RIMS3: variants seen among roughly 807,000 people sequenced by gnomAD.
RIMS3 encodes regulating synaptic membrane exocytosis 3.
RIMS3 carries 15 observed loss-of-function variants against 29.2 expected under a neutral mutation model. The ratio of observed to expected loss-of-function variants is 0.51; its 90% CI spans 0.34 to 0.79. The LOEUF is 0.79. Ranked by LOEUF, RIMS3 falls within the 30% of genes least tolerant of loss-of-function variation. The probability of loss-of-function intolerance (pLI) is 0.01; values close to 1 mark genes in which losing one functional copy is unlikely to be tolerated. For synonymous variants in RIMS3, 161 were observed against 170.1 expected (o/e 0.95, Z 0.41); for missense variants, 342 against 421.4 (o/e 0.81, Z 1.65).
At chr1:40,628,690 T>C (rs1646469661) in intron 7 of RIMS3, 120 bp downstream of exon 7, 1 of 1,334,670 alleles carries the variant, frequency 7.5e-7, no homozygotes, top group Non-Finnish European at 1.1e-6. Context: ...AGTAAATGAG[T>C]AACGCAAATT....
intron 1 of RIMS3, among the ~76,000 whole-genome samples, chr1:40,663,580 AC>A (rs970088071): frequency 3.2e-4 from 49 of 152,198 alleles, no homozygotes; most frequent in African/African-American, 1.2e-3. Context: ...CATCACCCAG[AC>A]CCCTGACAGA....
chr1:40,653,831 A>C (rs1331652487), intron 1 of RIMS3, among the ~76,000 whole-genome samples: 2 of 152,162 alleles, frequency 1.3e-5, no homozygotes, highest in Non-Finnish European at 2.9e-5. Flanking sequence ...GACAATACTC[A>C]CAATCACACT....
the RIMS3 span, among the ~76,000 whole-genome samples, chr1:40,688,580 G>C: frequency 6.6e-6 from 1 of 152,152 alleles, no homozygotes; most frequent in African/African-American, 2.4e-5. Flanking sequence ...TACTCTAGGT[G>C]GCAGATCACT....
rs971497583 is a variant in RIMS3, at chr1:40,621,248, C to T, written c.*5269G>A. ...GCAGAAATGAGGAAAGACCCAGCCT[C>T]ATCTGCTGTTGGGGACACTGACTTA... On this transcript the variant is annotated 3_prime_UTR_variant, in exon 8 of 8. Transcript: ENST00000372684. 1.3e-5 allele frequency: 2 copies of T among 152,254 alleles called. No homozygotes were observed. The highest frequency in any genetic ancestry group is 4.8e-5 in the African/African-American group (2 of 41,464). 9.4% of individuals were successfully genotyped at this position (152,254 alleles called of 1,614,324 possible).
rs532482385 is a variant in RIMS3 at position 40,625,752 on chromosome 1, T to C, written c.*765A>G. On this transcript the variant is annotated 3_prime_UTR_variant, in exon 8 of 8. Transcript: ENST00000372684. ...GAAGAACAAATGCTAAGGGGGCACC[T>C]GGCCAGGAACCCTGGAACCAAGACC... is the stretch of plus-strand genomic sequence containing the variant. The C allele has an allele frequency of 6.5e-6, 1 of 152,932 alleles. No individual in the cohort carries two copies. The highest frequency in any genetic ancestry group is 1.5e-5 in the Non-Finnish European group (1 of 68,236). 9.5% of individuals were successfully genotyped at this position (152,932 alleles called of 1,614,324 possible). A position where few individuals can be genotyped will look rare whatever the true frequency, so the allele number is the denominator to read the frequency against.
intron 7 of RIMS3, among the ~76,000 whole-genome samples, chr1:40,626,961 G>A (rs1205174702): frequency 6.6e-6 from 1 of 152,218 alleles, no homozygotes. Context: ...GTAGGTAGGG[G>A]TGCTCTGTAT....
chr1:40,691,705 C>T, the RIMS3 span: 5 of 453,578 alleles, frequency 1.1e-5, no homozygotes, highest in East Asian at 2.9e-4. Context: ...GGAAACGGTG[C>T]AAACGGCGTG....
the RIMS3 span, among the ~76,000 whole-genome samples, chr1:40,677,799 C>G: frequency 4.6e-5 from 7 of 152,244 alleles, no homozygotes; most frequent in African/African-American, 1.7e-4. Context: ...TTGCACACTG[C>G]TAGCCAAGGC....
chr1:40,659,973 A>T (rs569870936), intron 1 of RIMS3, among the ~76,000 whole-genome samples: 25 of 152,338 alleles, frequency 1.6e-4, no homozygotes, highest in African/African-American at 5.8e-4. Flanking sequence ...TCCAACGTTT[A>T]TCCTAAGAAG....
chr1:40,667,627 A>C (rs1642441990), upstream of RIMS3, among the ~76,000 whole-genome samples: 1 of 152,202 alleles, frequency 6.6e-6, no homozygotes, highest in Non-Finnish European at 1.5e-5. Flanking sequence ...TTGATTCTTA[A>C]GTGTATATAG....
intron 2 of RIMS3, among the ~76,000 whole-genome samples, chr1:40,642,313 A>G (rs1646563946): frequency 6.6e-6 from 1 of 152,244 alleles, no homozygotes; most frequent in Non-Finnish European, 1.5e-5. Context: ...CAAGATGTGA[A>G]ATAAAAGCAC....
intron 7 of RIMS3, among the ~76,000 whole-genome samples, chr1:40,628,157 G>A (rs139673762): frequency 7.9e-4 from 120 of 152,284 alleles, no homozygotes; most frequent in African/African-American, 2.6e-3. Context: ...ACATCTACCC[G>A]CGGCTAATGA....
At position 40,624,901 on chromosome 1, in the gene RIMS3, C is replaced by T. The variant is rs918969793; in HGVS notation, c.*1616G>A. ...TCAGGTGCTGGGGCCACAGCCATTT[C>T]AGCACCTGGGGATAATGCCTGGAGA... On this transcript the variant is annotated 3_prime_UTR_variant, in exon 8 of 8. Coordinates refer to ENST00000372684, the MANE Select transcript of RIMS3 (RefSeq NM_014747.3). 6.6e-6 allele frequency: 1 copy of T among 152,640 alleles called. No individual in the cohort carries two copies. Among genetic ancestry groups the T allele is most frequent in the Non-Finnish European group, 1.5e-5 (1 of 68,064 alleles). The allele number at this position is 152,640 out of a possible 1,614,324, so 9.5% of individuals were successfully genotyped here. A position where few individuals can be genotyped will look rare whatever the true frequency, so the allele number is the denominator to read the frequency against.
At chr1:40,657,921 A>C (rs1883429) in intron 1 of RIMS3, among the ~76,000 whole-genome samples, 19,326 of 152,072 alleles carry the variant, frequency 0.13, 1,343 homozygotes, top group African/African-American at 0.16. Flanking sequence ...ATAAAATAAA[A>C]TTTATATGTT....
intron 1 of RIMS3, among the ~76,000 whole-genome samples, chr1:40,652,225 A>G (rs1023602499): frequency 6.6e-6 from 1 of 152,180 alleles, no homozygotes; most frequent in Non-Finnish European, 1.5e-5. Context: ...GACTCCCCAA[A>G]CGGAAGCAAG....
At chr1:40,668,673 GA>G (rs1484491223), upstream of RIMS3, among the ~76,000 whole-genome samples, 3 of 152,152 alleles carry the variant, frequency 2.0e-5, no homozygotes, top group African/African-American at 7.2e-5. Flanking sequence ...CTTGGAGATG[GA>G]AAAGACTTTC....
intron 5 of RIMS3, among the ~76,000 whole-genome samples, chr1:40,631,448 G>A (rs918026274): frequency 5.3e-5 from 8 of 152,284 alleles, no homozygotes; most frequent in African/African-American, 7.2e-5. Context: ...CAAGGCAGGC[G>A]GATTGCCTGA....
chr1:40,654,755 G>A lies in RIMS3; in HGVS notation c.-206-6913C>T, dbSNP rs1642249030. On this transcript the variant is annotated intron_variant, in intron 1 of 7. Transcript: ENST00000372684. The surrounding 1 kb of genome is among the most constrained non-coding windows in gnomAD (Gnocchi z 5.3). ...TTCACCACAGACACACACACACACA[G>A]TGCACACACAATATGCCCTCAGAGA... Among the ~76,000 whole-genome samples the A allele has an allele frequency of 6.6e-6, 1 of 151,820 alleles. No individual in the cohort carries two copies.
the RIMS3 span, among the ~76,000 whole-genome samples, chr1:40,677,253 C>A: frequency 6.6e-6 from 1 of 151,716 alleles, no homozygotes; most frequent in Non-Finnish European, 1.5e-5. Flanking sequence ...GATCTGCCCG[C>A]CTCAGCCTCC....
Sources: allele counts gnomAD v4.1 joint callset (sites outside exome capture counted in the v4.1 genomes callset), GRCh38; gene constraint gnomAD v4.1.1; non-coding constraint Gnocchi (gnomAD v3.1); transcripts MANE v1.5; gene names NCBI Gene and HGNC (gene_info 2026-07-23, HGNC 2026-07-21).